MBD5: variants seen among roughly 807,000 people sequenced by gnomAD.
The protein encoded by MBD5 is methyl-CpG-binding domain protein 5.
In MBD5, 13 loss-of-function variants were observed where a neutral mutation model predicts 117.3. That is an observed-to-expected ratio of 0.11 (90% CI 0.07 to 0.18). The LOEUF (loss-of-function observed/expected upper bound fraction) is 0.18, where lower values mean the gene tolerates loss of function less well. MBD5 is among the 10% of genes least tolerant of loss of function. MBD5 has a pLI of 1.00. For synonymous variants in MBD5, 727 were observed against 766.4 expected, an observed-to-expected ratio of 0.95 and a Z score of 0.85; for missense variants, 1,879 against 2,093.8, an observed-to-expected ratio of 0.90 and a Z score of 2.00.
intron 4 of MBD5, among the ~76,000 whole-genome samples, chr2:148,381,452 A>T (rs576286172): frequency 6.6e-6 from 1 of 152,226 alleles, no homozygotes; most frequent in Non-Finnish European, 1.5e-5. Context: ...GAAATATGGG[A>T]CAATGTGAAA....
At chr2:148,258,001 A>G (rs2106280331) in intron 3 of MBD5, among the ~76,000 whole-genome samples, 1 of 152,224 alleles carries the variant, frequency 6.6e-6, no homozygotes, top group Non-Finnish European at 1.5e-5. Context: ...AACTGGCCAC[A>G]CTGGAGAACT....
intron 4 of MBD5, among the ~76,000 whole-genome samples, chr2:148,365,856 C>A (rs949532824): frequency 2.0e-5 from 3 of 150,144 alleles, no homozygotes; most frequent in African/African-American, 2.4e-5. Flanking sequence ...AAAAAAAAAA[C>A]CCCAGACCAG....
chr2:148,091,530 C>T (rs1695943534), intron 1 of MBD5, among the ~76,000 whole-genome samples: 1 of 152,006 alleles, frequency 6.6e-6, no homozygotes, highest in African/African-American at 2.4e-5. Flanking sequence ...TGATCTTCAA[C>T]AAAATAAACA....
Position 148,103,826 on chromosome 2 carries a change from T to C in MBD5, c.-924-74874T>C, listed in dbSNP as rs1263445000. On this transcript the variant is annotated intron_variant, in intron 1 of 13. Coordinates refer to ENST00000642680, the MANE Select transcript of MBD5 (RefSeq NM_001378120.1). ...ATCTGTGCCAGAGCTAGGAGAATAATTTAAAAATATTATATAATTCATATT... is the reference window on the plus strand; with the variant it reads ...ATCTGTGCCAGAGCTAGGAGAATAACTTAAAAATATTATATAATTCATATT... 3.3e-5 allele frequency among the ~76,000 whole-genome samples: 5 copies of C among 152,282 alleles called. No homozygotes were observed. In the East Asian group the frequency reaches 9.6e-4, roughly 29 times the overall value.
intron 1 of MBD5, among the ~76,000 whole-genome samples, chr2:148,145,890 G>A (rs1461082070): frequency 6.6e-6 from 1 of 152,166 alleles, no homozygotes; most frequent in African/African-American, 2.4e-5. Flanking sequence ...GTTCATCAGG[G>A]ATATTGGTCT....
intron 1 of MBD5, among the ~76,000 whole-genome samples, chr2:148,040,017 A>G (rs1449163441): frequency 6.6e-6 from 1 of 152,124 alleles, no homozygotes; most frequent in East Asian, 1.9e-4. Flanking sequence ...CCCCATCTCT[A>G]CAAAAAATTT....
intron 2 of MBD5, among the ~76,000 whole-genome samples, chr2:148,229,919 C>G (rs916457656): frequency 5.3e-5 from 8 of 152,138 alleles, no homozygotes; most frequent in African/African-American, 1.7e-4. Flanking sequence ...TCTCTCTGTT[C>G]TAGGCCATCT....
chr2:148,126,221 C>G (rs1460077271), intron 1 of MBD5, among the ~76,000 whole-genome samples: 1 of 146,772 alleles, frequency 6.8e-6, no homozygotes, highest in Non-Finnish European at 1.5e-5. Context: ...TGTGGTGAAA[C>G]CTCGTTTCTA....
chr2:148,305,174 ACAGT>A (rs1050893149), intron 3 of MBD5, among the ~76,000 whole-genome samples: 2 of 152,226 alleles, frequency 1.3e-5, no homozygotes, highest in African/African-American at 2.4e-5. Context: ...AGTAGACTAA[ACAGT>A]CAGAGTCACT....
chr2:148,324,943 C>T (rs1437740861), intron 3 of MBD5, among the ~76,000 whole-genome samples: 3 of 152,106 alleles, frequency 2.0e-5, no homozygotes, highest in Non-Finnish European at 4.4e-5. Flanking sequence ...CCAGTTTTTG[C>T]CCATTCAGTA....
chr2:148,229,284 G>T (rs1279508532), intron 2 of MBD5, among the ~76,000 whole-genome samples: 1 of 151,540 alleles, frequency 6.6e-6, no homozygotes, highest in Non-Finnish European at 1.5e-5. Flanking sequence ...GGACTTTGAT[G>T]CATTTTTCAA....
Position 148,483,112 on chromosome 2 carries a change from G to C in MBD5, c.2521G>C (p.Gly841Arg), listed in dbSNP as rs752445724. 1 of 1,606,882 alleles carries C rather than the reference G, an allele frequency of 6.2e-7. No individual in the cohort carries two copies. Among genetic ancestry groups the C allele is most frequent in the Non-Finnish European group, 8.5e-7 (1 of 1,178,790 alleles). The part of the protein sequence containing the change: ...SYNQTSSEAG[G>R]SGPSSSIAIA... Reference sequence around the variant, plus strand: ...TGTTTTTTTTTTTTTCATTTTAGGCGGTTCAGGACCATCATCCTCCATAGC... The same window carrying C: ...TGTTTTTTTTTTTTTCATTTTAGGCCGTTCAGGACCATCATCCTCCATAGC... Residue 841 changes from glycine to arginine, a missense_variant and splice_region_variant, in exon 9 of 14, where the codon GGT becomes CGT. Physicochemically the swap from Gly to Arg is moderately radical, Grantham distance 125. Coordinates refer to ENST00000642680, the MANE Select transcript of MBD5 (RefSeq NM_001378120.1).
In MBD5 at chr2:148,257,320, G is replaced by A. The variant is rs144660863; in HGVS notation, c.-680+23925G>A. Among the ~76,000 whole-genome samples the A allele has an allele frequency of 3.7e-3, 563 of 152,318 alleles. 2 individuals are homozygous for A. The highest frequency in any genetic ancestry group is 5.5e-3 in the Non-Finnish European group (371 of 68,028). On this transcript the variant is annotated intron_variant, in intron 3 of 13. Transcript: ENST00000642680. ...CTCAGCTGCATCATTCCAATCCCAG[G>A]TAGCTCCCTGCTTTGTTAATCAATG...
chr2:148,316,894 G>T (rs1315632288), intron 3 of MBD5, among the ~76,000 whole-genome samples: 1 of 152,152 alleles, frequency 6.6e-6, no homozygotes, highest in Non-Finnish European at 1.5e-5. Context: ...AGTTTTTTGT[G>T]TTGAGCTTGT....
chr2:148,076,310 G>T (rs1363208494), intron 1 of MBD5, among the ~76,000 whole-genome samples: 1 of 152,142 alleles, frequency 6.6e-6, no homozygotes, highest in African/African-American at 2.4e-5. Context: ...ATGATTGGTA[G>T]TATATCAGTC....
At chr2:148,356,887 C>CTCTTT (rs58950814) in intron 4 of MBD5, among the ~76,000 whole-genome samples, 75,029 of 150,806 alleles carry the variant, frequency 0.5, 18,869 homozygotes, top group East Asian at 0.74. Context: ...CACATTTTTT[C>CTCTTT]TCTTTTCTTT....
intron 1 of MBD5, among the ~76,000 whole-genome samples, chr2:148,050,689 A>C (rs1334797385): frequency 4.6e-5 from 7 of 152,008 alleles, no homozygotes; most frequent in Non-Finnish European, 1.5e-5. Context: ...TTGCCCTAGC[A>C]CTCCTGTCAA....
intron 1 of MBD5, 42 bp from the exon 2 acceptor site, chr2:148,178,658 A>G (rs746648847): frequency 2.5e-6 from 1 of 397,382 alleles, no homozygotes; most frequent in Non-Finnish European, 4.4e-6. Context: ...AGCAATATCT[A>G]TAATCTCAAA....
Position 148,273,548 on chromosome 2 carries a change from G to GT in MBD5, c.-680+40154dup, listed in dbSNP as rs1701033506. Among the ~76,000 whole-genome samples, 3 of 152,146 alleles carry GT rather than the reference G, an allele frequency of 2.0e-5. No individual in the cohort carries two copies. The South Asian group carries it at 6.2e-4, about 32-fold the overall frequency. The stretch of plus-strand genomic sequence containing the variant: ...TACCAAGAAACTGACTCAGCACGTT[G>GT]TGACACCCCCACCCTCAGGAATAGA... On this transcript the variant is annotated intron_variant, in intron 3 of 13. Coordinates refer to ENST00000642680, the MANE Select transcript of MBD5 (RefSeq NM_001378120.1).
Sources: gnomAD v4.1 joint callset for allele counts (sites outside exome capture counted in the v4.1 genomes callset) on GRCh38, gnomAD v4.1.1 for gene constraint, MANE v1.5 for transcripts, NCBI Gene and HGNC (gene_info 2026-07-23, HGNC 2026-07-21) for gene names.